Variants in PHACTR2 observed in about 807,000 individuals in gnomAD.
The protein encoded by PHACTR2 is phosphatase and actin regulator 2, also known as chromosome 6 open reading frame 56.
Under a neutral mutation model 76.0 loss-of-function variants are expected in PHACTR2, and 30 were observed. That is an observed-to-expected ratio of 0.39 (90% CI 0.30 to 0.54). PHACTR2 has a LOEUF of 0.54. PHACTR2 is among the 20% of genes least tolerant of loss of function. The probability of loss-of-function intolerance (pLI) is 0.61; values close to 1 mark genes in which losing one functional copy is unlikely to be tolerated. For missense variants in PHACTR2, 696 were observed against 781.1 expected (o/e 0.89, Z 1.30); for synonymous variants, 292 against 292.5 (o/e 1.00, Z 0.02).
At chr6:143,747,289 A>G (rs948070492) in intron 2 of PHACTR2, among the ~76,000 whole-genome samples, 5 of 152,224 alleles carry the variant, frequency 3.3e-5, no homozygotes, top group African/African-American at 1.2e-4. Flanking sequence ...AAAGGAAAAA[A>G]AAATCCAGGT....
Position 143,761,419 on chromosome 6 carries a change from A to G in PHACTR2, c.694+779A>G, listed in dbSNP as rs1358318798. On this transcript the variant is annotated intron_variant, in intron 5 of 12. Transcript: ENST00000440869. The surrounding 1 kb of genome is among the most constrained non-coding windows in gnomAD (Gnocchi z 5.2). ...GTGGAAACTCCCATTTTTTTAGTGA[A>G]GAGGAAGAAAGATGCCTACCATGTC... is the stretch of plus-strand genomic sequence containing the variant. Among the ~76,000 whole-genome samples the G allele has an allele frequency of 6.6e-6, 1 of 152,162 alleles. No homozygotes were observed. The highest frequency in any genetic ancestry group is 1.5e-5 in the Non-Finnish European group (1 of 68,034).
rs1405704875 is a variant in PHACTR2 at position 143,755,125 on chromosome 6, T to C, written c.454+1213T>C. On this transcript the variant is annotated intron_variant, in intron 4 of 12. Transcript: ENST00000440869. The surrounding 1 kb of genome is among the most constrained non-coding windows in gnomAD (Gnocchi z 5.2). Reference sequence around the variant, plus strand: ...AAGGGCTTTATCTAGCCTTGTTCCATTGAAGGACTCTGGTTAAGCTTATGT... The same window carrying C: ...AAGGGCTTTATCTAGCCTTGTTCCACTGAAGGACTCTGGTTAAGCTTATGT... Among the ~76,000 whole-genome samples, 2 of 152,248 alleles carry C rather than the reference T, an allele frequency of 1.3e-5. No individual in the cohort carries two copies. The highest frequency in any genetic ancestry group is 3.8e-4 in the East Asian group (2 of 5,204).
rs748884592 is a variant in PHACTR2 at position 143,774,213 on chromosome 6, C to T, written c.1587C>T (p.Val529=). 2 of 1,613,058 alleles carry T rather than the reference C, an allele frequency of 1.2e-6. No homozygotes were observed. Among genetic ancestry groups the T allele is most frequent in the Middle Eastern group, 1.6e-4 (1 of 6,062 alleles). ...EIRQQIGTKL[V]RRLSQRPTTE... ...GACAACAAATTGGAACCAAGTTAGT[C>T]AGGTAATTGCTAACATTTTAGGACA... Residue 529 remains valine, a splice_region_variant and synonymous_variant, in exon 8 of 13, where the codon GTC becomes GTT. Transcript: ENST00000440869. This position sits in a 1 kb window ranked among gnomAD's most constrained non-coding sequence, Gnocchi z 5.4.
chr6:143,747,080 C>T (rs1269169544), intron 2 of PHACTR2, among the ~76,000 whole-genome samples: 1 of 151,984 alleles, frequency 6.6e-6, no homozygotes, highest in Non-Finnish European at 1.5e-5. Flanking sequence ...CTGATTCTAT[C>T]CAAAAAAAGT....
intron 11 of PHACTR2, among the ~76,000 whole-genome samples, chr6:143,796,268 C>A (rs1016394305): frequency 2.6e-5 from 4 of 152,114 alleles, no homozygotes; most frequent in Admixed American, 6.6e-5. Context: ...CTCCACATCC[C>A]ATCATAATTT....
At chr6:143,632,019 A>T (rs9918366) in intron 1 of PHACTR2, among the ~76,000 whole-genome samples, 4,390 of 152,272 alleles carry the variant, frequency 0.029, 209 homozygotes, top group African/African-American at 0.1. Context: ...ACTGTTATGG[A>T]TCAGCCCTTG....
At position 143,662,548 on chromosome 6, in the gene PHACTR2, G is replaced by A. The variant is rs1167248145; in HGVS notation, c.14-49468G>A. On this transcript the variant is annotated intron_variant, in intron 1 of 11. Coordinates refer to the PHACTR2 transcript ENST00000305766. This position sits in a 1 kb window ranked among gnomAD's most constrained non-coding sequence, Gnocchi z 4.7. ...CATCTGTTTTTAGTTATAAAATGCT[G>A]AACTATTGAATAATGAAAGTGTTTT... 6.6e-6 allele frequency among the ~76,000 whole-genome samples: 1 copy of A among 152,042 alleles called. No homozygotes were observed. The highest frequency in any genetic ancestry group is 1.5e-5 in the Non-Finnish European group (1 of 67,994).
intron 2 of PHACTR2, among the ~76,000 whole-genome samples, chr6:143,736,029 AT>A (rs1482679937): frequency 1.3e-5 from 2 of 152,196 alleles, no homozygotes. Flanking sequence ...CTTTTAATTA[AT>A]TATTAATAAA....
chr6:143,827,180 A>G lies in PHACTR2; in HGVS notation c.*3491A>G, dbSNP rs915071214. The G allele has an allele frequency of 1.5e-5, 2 of 129,574 alleles. No individual in the cohort carries two copies. The highest frequency in any genetic ancestry group is 5.9e-5 in the African/African-American group (2 of 34,108). The allele number at this position is 129,574 out of a possible 1,614,324, so 8.0% of individuals were successfully genotyped here. ...AATATATATATATATATATATATATATATATATATATATATATATGTATAT... is the reference window on the plus strand; with the variant it reads ...AATATATATATATATATATATATATGTATATATATATATATATATGTATAT... On this transcript the variant is annotated 3_prime_UTR_variant, in exon 13 of 13. Coordinates refer to ENST00000440869, the MANE Select transcript of PHACTR2 (RefSeq NM_001100164.2).
At chr6:143,560,804 G>A (rs1236535758) in intron 1 of PHACTR2, among the ~76,000 whole-genome samples, 1 of 151,938 alleles carries the variant, frequency 6.6e-6, no homozygotes, top group Non-Finnish European at 1.5e-5. Flanking sequence ...GTGCACAGAT[G>A]AGAGGGCATA....
chr6:143,766,772 A>T (rs1779571702), intron 6 of PHACTR2, among the ~76,000 whole-genome samples: 1 of 152,188 alleles, frequency 6.6e-6, no homozygotes, highest in Non-Finnish European at 1.5e-5. Context: ...TTTGCATTTC[A>T]TCACTCACAA....
rs1017471999 is a variant in PHACTR2 at position 143,767,717 on chromosome 6, CT to C, written c.1232+1920del. Among the ~76,000 whole-genome samples the C allele has an allele frequency of 2.6e-5, 4 of 152,216 alleles. No homozygotes were observed. Among genetic ancestry groups the C allele is most frequent in the African/African-American group, 9.7e-5 (4 of 41,450 alleles). On this transcript the variant is annotated intron_variant, in intron 6 of 12. Transcript: ENST00000440869. This position sits in a 1 kb window ranked among gnomAD's most constrained non-coding sequence, Gnocchi z 4.4. Reference sequence around the variant, plus strand: ...AGAGCACAACAGAGTGAACCTACCCCTGTGAGCCCTTTTGAAAATGGCATTA... The same window carrying C: ...AGAGCACAACAGAGTGAACCTACCCCGTGAGCCCTTTTGAAAATGGCATTA...
At chr6:143,716,014 G>A (rs1015537790) in intron 2 of PHACTR2, among the ~76,000 whole-genome samples, 1 of 152,174 alleles carries the variant, frequency 6.6e-6, no homozygotes, top group African/African-American at 2.4e-5. Flanking sequence ...GGCCACTAGA[G>A]AAGACAGGAA....
chr6:143,717,873 A>G (rs1290401934), intron 2 of PHACTR2, among the ~76,000 whole-genome samples: 2 of 152,160 alleles, frequency 1.3e-5, no homozygotes, highest in East Asian at 1.9e-4. Flanking sequence ...TACCCTGCCT[A>G]TGCTTTGGGA....
intron 1 of PHACTR2, among the ~76,000 whole-genome samples, chr6:143,665,161 T>C (rs77050212): frequency 0.015 from 2,344 of 152,356 alleles, 42 homozygotes; most frequent in African/African-American, 0.053. Flanking sequence ...TAATTACTTT[T>C]AGTGAATGAT....
In PHACTR2 at chr6:143,591,603, C is replaced by G. The variant is rs1383554652; in HGVS notation, c.217+54396C>G. 6.6e-6 allele frequency among the ~76,000 whole-genome samples: 1 copy of G among 152,226 alleles called. No homozygotes were observed. Among genetic ancestry groups the G allele is most frequent in the Non-Finnish European group, 1.5e-5 (1 of 68,034 alleles). ...AGTTCAGGAAGGAGGCATGACACAA[C>G]AGTGACCTCCATGAACCTCTTGCCT... On this transcript the variant is annotated intron_variant, in intron 1 of 11. Transcript: ENST00000367584. This position sits in a 1 kb window ranked among gnomAD's most constrained non-coding sequence, Gnocchi z 6.4.
chr6:143,625,621 C>A lies in PHACTR2; in HGVS notation c.13+17299C>A, dbSNP rs1276614095. Reference sequence around the variant, plus strand: ...GAACTTTGCAATTTGCTAAAAATAACTGATGAAGCTTATTAGTTCTTATTT... The same window carrying A: ...GAACTTTGCAATTTGCTAAAAATAAATGATGAAGCTTATTAGTTCTTATTT... On this transcript the variant is annotated intron_variant, in intron 1 of 11. Transcript: ENST00000305766. The surrounding 1 kb of genome is among the most constrained non-coding windows in gnomAD (Gnocchi z 4.3). Among the ~76,000 whole-genome samples the A allele has an allele frequency of 1.3e-5, 2 of 152,126 alleles. No individual in the cohort carries two copies. Among genetic ancestry groups the A allele is most frequent in the Admixed American group, 6.5e-5 (1 of 15,268 alleles).
chr6:143,716,989 G>T (rs970012665), intron 2 of PHACTR2, among the ~76,000 whole-genome samples: 2 of 152,100 alleles, frequency 1.3e-5, no homozygotes, highest in African/African-American at 2.4e-5. Context: ...ATGGGACTTT[G>T]CTCCTGTCAC....
rs6911970 is a variant in PHACTR2 at position 143,610,803 on chromosome 6, T to C, written c.13+2481T>C. On this transcript the variant is annotated intron_variant, in intron 1 of 11. Coordinates refer to the PHACTR2 transcript ENST00000305766. This position sits in a 1 kb window ranked among gnomAD's most constrained non-coding sequence, Gnocchi z 4.9. ...TTCCCCATAATTGCTGGCTTCTGTA[T>C]TCCTTTAAAAGCTTTTCCTGGAATA... Among the ~76,000 whole-genome samples, 37,965 of 152,102 alleles carry C rather than the reference T, an allele frequency of 0.25. 4,888 individuals are homozygous for C. The highest frequency in any genetic ancestry group is 0.31 in the African/African-American group (13,058 of 41,456).
Sources: gnomAD v4.1 joint callset for allele counts (sites outside exome capture counted in the v4.1 genomes callset) on GRCh38, gnomAD v4.1.1 for gene constraint, Gnocchi (gnomAD v3.1) non-coding constraint, MANE v1.5 for transcripts, NCBI Gene and HGNC (gene_info 2026-07-23, HGNC 2026-07-21) for gene names.